CUL5: variants seen among roughly 807,000 people sequenced by gnomAD.
CUL5 encodes the protein cullin-5.
A neutral mutation model predicts 108.8 loss-of-function variants in CUL5; 26 were observed. The observed-to-expected ratio is 0.24, with a 90% confidence interval of 0.18 to 0.33. The LOEUF is 0.33. Among genes scored for constraint, CUL5 ranks in the 10% least tolerant of loss-of-function variants. CUL5 has a pLI of 1.00. For synonymous variants in CUL5, 334 were observed against 298.0 expected, an observed-to-expected ratio of 1.12 and a Z score of -1.25; for missense variants, 524 against 909.2, an observed-to-expected ratio of 0.58 and a Z score of 5.45.
chr11:108,031,317 A>C (rs748378477), intron 1 of CUL5, among the ~76,000 whole-genome samples: 4 of 151,366 alleles, frequency 2.6e-5, no homozygotes, highest in Non-Finnish European at 4.4e-5. Context: ...GTGAGCCAAG[A>C]TTATGCCACT....
In CUL5 at chr11:108,094,416, T is replaced by G. The variant is rs1864437175; in HGVS notation, c.1469T>G (p.Val490Gly). ...GAAGTTGGTATGCCAGCGGATTATGTAAACAAGCTTGCTAGAATGTTTCAG... is the reference window on the plus strand; with the variant it reads ...GAAGTTGGTATGCCAGCGGATTATGGAAACAAGCTTGCTAGAATGTTTCAG... ...LREVGMPADY[V>G]NKLARMFQDI... Residue 490 changes from valine (V) to glycine (G), a missense_variant, in exon 14 of 19, where the codon GTA becomes GGA. Val to Gly is a moderately radical substitution (Grantham distance 109). This residue lies in a region of CUL5 where 76 missense variants were observed against 168.3 expected (regional missense o/e 0.45). Coordinates refer to ENST00000393094, the MANE Select transcript of CUL5 (RefSeq NM_003478.6). 1.3e-6 allele frequency: 2 copies of G among 1,587,144 alleles called. No homozygotes were observed. The highest frequency in any genetic ancestry group is 8.6e-7 in the Non-Finnish European group (1 of 1,168,542).
In CUL5 at chr11:108,022,391, TAAC is replaced by T. The variant is rs1028677232; in HGVS notation, c.25-11408_25-11406del. Among the ~76,000 whole-genome samples the T allele has an allele frequency of 7.2e-5, 11 of 152,366 alleles. 1 individual carries two copies. The highest frequency in any genetic ancestry group is 7.2e-4 in the Admixed American group (11 of 15,310). On this transcript the variant is annotated intron_variant, in intron 1 of 18. Transcript: ENST00000393094. ...TAAACATTTTTATTTTTTAACATGATAACAAATACTGTATTTCTACACCATTAT... is the reference window on the plus strand; with the variant it reads ...TAAACATTTTTATTTTTTAACATGATAAATACTGTATTTCTACACCATTAT...
At chr11:108,014,326 T>C (rs1284396128) in intron 1 of CUL5, among the ~76,000 whole-genome samples, 1 of 152,152 alleles carries the variant, frequency 6.6e-6, no homozygotes, top group Non-Finnish European at 1.5e-5. Flanking sequence ...TCTATATGAA[T>C]AGTGTTCCTT....
In CUL5 at chr11:108,052,945, A is replaced by G. The variant is rs189587327; in HGVS notation, c.553+144A>G. 79 of 582,758 alleles carry G rather than the reference A, an allele frequency of 1.4e-4. 1 individual carries two copies. The highest frequency in any genetic ancestry group is 1.3e-3 in the African/African-American group (69 of 53,284). 36.1% of individuals were successfully genotyped at this position (582,758 alleles called of 1,614,324 possible). A position where few individuals can be genotyped will look rare whatever the true frequency, so the allele number is the denominator to read the frequency against. ...TAGATACTTTTTTTGAGAGTAAGCA[A>G]ATGATAATTCTGCTTAAAAGAATGT... On this transcript the variant is annotated intron_variant, in intron 5 of 18. Coordinates refer to ENST00000393094, the MANE Select transcript of CUL5 (RefSeq NM_003478.6).
intron 10 of CUL5, among the ~76,000 whole-genome samples, chr11:108,076,722 T>C (rs942898242): frequency 2.0e-5 from 3 of 152,188 alleles, no homozygotes; most frequent in African/African-American, 7.2e-5. Flanking sequence ...CCTTTGGGTA[T>C]ATGCCTAGAA....
At chr11:108,018,894 G>A (rs764953131) in intron 1 of CUL5, among the ~76,000 whole-genome samples, 1 of 152,080 alleles carries the variant, frequency 6.6e-6, no homozygotes, top group Non-Finnish European at 1.5e-5. Context: ...TTTGCTAGCT[G>A]TGTGGTATTG....
chr11:108,045,170 T>C (rs1431178592), intron 2 of CUL5, among the ~76,000 whole-genome samples: 3 of 152,250 alleles, frequency 2.0e-5, no homozygotes, highest in African/African-American at 7.2e-5. Flanking sequence ...TTATAAGTTC[T>C]GAGTTTTTGT....
intron 16 of CUL5, among the ~76,000 whole-genome samples, chr11:108,096,725 C>T (rs939160847): frequency 2.0e-5 from 3 of 151,666 alleles, no homozygotes; most frequent in East Asian, 2.0e-4. Flanking sequence ...TGCCACCACA[C>T]TCAGCTAATT....
At chr11:108,081,754 G>GA (rs1307042129) in intron 11 of CUL5, among the ~76,000 whole-genome samples, 2 of 152,052 alleles carry the variant, frequency 1.3e-5, no homozygotes, top group African/African-American at 4.8e-5. Context: ...TCCGTCTCAA[G>GA]AAAAAAATCA....
chr11:108,018,504 T>TAA (rs34130141), intron 1 of CUL5, among the ~76,000 whole-genome samples: 3 of 141,088 alleles, frequency 2.1e-5, no homozygotes, highest in African/African-American at 7.8e-5. Context: ...CCATCTCTAC[T>TAA]AAAAAAAAAA....
At chr11:108,018,376 C>T (rs1231214186) in intron 1 of CUL5, among the ~76,000 whole-genome samples, 2 of 152,054 alleles carry the variant, frequency 1.3e-5, no homozygotes, top group African/African-American at 4.8e-5. Context: ...ATTAAAAATA[C>T]TCAGAAAAGG....
intron 17 of CUL5, 56 bp downstream of exon 17, chr11:108,097,810 GT>G (rs1864536659): frequency 2.1e-6 from 2 of 940,498 alleles, no homozygotes; most frequent in African/African-American, 1.7e-5. Flanking sequence ...TTAGCACTTT[GT>G]TTTTTGCAAA....
chr11:108,049,881 T>C lies in CUL5; in HGVS notation c.235-9T>C. The C allele has an allele frequency of 6.3e-7, 1 of 1,597,976 alleles. No individual in the cohort carries two copies. Among genetic ancestry groups the C allele is most frequent in the Non-Finnish European group, 8.5e-7 (1 of 1,174,852 alleles). ...ATTTATTTCAAATTGGTACACCTCT[T>C]TTTTTCAGCGAGTACTGAGCCATCA... On this transcript the variant is annotated splice_polypyrimidine_tract_variant and intron_variant, in intron 3 of 18. Coordinates refer to ENST00000393094, the MANE Select transcript of CUL5 (RefSeq NM_003478.6).
At chr11:108,024,607 G>A (rs1862412879) in intron 1 of CUL5, among the ~76,000 whole-genome samples, 1 of 152,164 alleles carries the variant, frequency 6.6e-6, no homozygotes, top group Non-Finnish European at 1.5e-5. Context: ...AGATTATAGT[G>A]AAGTTAATAG....
At chr11:108,098,652 A>T (rs1490196777) in intron 18 of CUL5, 123 bp downstream of exon 18, 4 of 634,808 alleles carry the variant, frequency 6.3e-6, no homozygotes, top group Non-Finnish European at 9.3e-6. Context: ...TGGCCCACAC[A>T]TAATCCCAAC....
At chr11:108,072,185 A>C in intron 8 of CUL5, 147 bp from the exon 9 acceptor site, 1 of 598,070 alleles carries the variant, frequency 1.7e-6, no homozygotes, top group Non-Finnish European at 2.6e-6. Context: ...TCTCAAAAAC[A>C]AAAAAACAAC....
At chr11:108,077,092 A>T in intron 10 of CUL5, among the ~76,000 whole-genome samples, 1 of 152,226 alleles carries the variant, frequency 6.6e-6, no homozygotes, top group South Asian at 2.1e-4. Context: ...CTAATCACCA[A>T]AGTAATGATT....
At chr11:108,061,894 G>GGAGAGAGA (rs145120147) in intron 7 of CUL5, among the ~76,000 whole-genome samples, 4 of 149,914 alleles carry the variant, frequency 2.7e-5, no homozygotes, top group Non-Finnish European at 4.5e-5. Context: ...TGTGGCAGCA[G>GGAGAGAGA]GAGAGAGAGA....
At chr11:108,098,214 GGTTA>G (rs780167531) in intron 17 of CUL5, among the ~76,000 whole-genome samples, 188 bp from the exon 18 acceptor site, 61 of 152,070 alleles carry the variant, frequency 4.0e-4, no homozygotes, top group African/African-American at 5.3e-4. Context: ...TTTATTAACA[GGTTA>G]GTTATCATGT....
Sources: allele counts gnomAD v4.1 joint callset (sites outside exome capture counted in the v4.1 genomes callset), GRCh38; gene constraint gnomAD v4.1.1; regional missense constraint gnomAD v4.1.1; transcripts MANE v1.5; gene names NCBI Gene and HGNC (gene_info 2026-07-23, HGNC 2026-07-21).